FBXL17: variants seen among roughly 807,000 people sequenced by gnomAD.
The protein encoded by FBXL17 is F-box/LRR-repeat protein 17.
In FBXL17, 22 loss-of-function variants were observed where a neutral mutation model predicts 66.2. That is an observed-to-expected ratio of 0.33 (90% confidence interval 0.24 to 0.47). FBXL17 has a LOEUF of 0.47. Among genes scored for constraint, FBXL17 ranks in the 20% least tolerant of loss-of-function variants. The pLI is 1.00. For missense variants in FBXL17, 878 were observed against 948.2 expected (o/e 0.93, Z 0.97); for synonymous variants, 474 against 400.5 (o/e 1.18, Z -2.19).
At chr5:108,228,666 C>A (rs770096763) in intron 4 of FBXL17, among the ~76,000 whole-genome samples, 1 of 152,136 alleles carries the variant, frequency 6.6e-6, no homozygotes, top group Non-Finnish European at 1.5e-5. Context: ...TATTCCGATT[C>A]TTAGCCAGGA....
rs1242739302 is a variant in FBXL17, at chr5:108,177,932, T to TATATATATATACAC, written c.1745+8184_1745+8185insGTGTATATATATAT. Among the ~76,000 whole-genome samples, 56 of 126,610 alleles carry TATATATATATACAC rather than the reference T, an allele frequency of 4.4e-4. 2 individuals are homozygous for TATATATATATACAC. Among genetic ancestry groups the TATATATATATACAC allele is most frequent in the South Asian group, 9.7e-4 (4 of 4,128 alleles). The allele number at this position is 126,610 out of a possible 152,430, so 83.1% of individuals were successfully genotyped here. A position where few individuals can be genotyped will look rare whatever the true frequency, so the allele number is the denominator to read the frequency against. ...AAATGTATATATATATATATATATATACACACACACACTATTACCTCACTA... is the reference window on the plus strand; with the variant it reads ...AAATGTATATATATATATATATATATATATATATATACACACACACACACACTATTACCTCACTA... On this transcript the variant is annotated intron_variant, in intron 6 of 8. Coordinates refer to ENST00000542267, the MANE Select transcript of FBXL17 (RefSeq NM_001163315.3).
At chr5:107,970,243 T>C (rs1752317800) in intron 7 of FBXL17, among the ~76,000 whole-genome samples, 2 of 152,174 alleles carry the variant, frequency 1.3e-5, no homozygotes, top group Non-Finnish European at 2.9e-5. Flanking sequence ...GTTCTCTTTG[T>C]TACCAAACGC....
intron 7 of FBXL17, among the ~76,000 whole-genome samples, chr5:107,901,465 T>C (rs1315649829): frequency 2.0e-5 from 3 of 152,168 alleles, no homozygotes; most frequent in Non-Finnish European, 4.4e-5. Flanking sequence ...TTCACTCTGC[T>C]GTAGTAAGAA....
At chr5:107,992,620 T>C (rs1714520706) in intron 7 of FBXL17, among the ~76,000 whole-genome samples, 1 of 152,196 alleles carries the variant, frequency 6.6e-6, no homozygotes, top group Non-Finnish European at 1.5e-5. Flanking sequence ...ATGTGTGCTT[T>C]GGGGTACACA....
intron 6 of FBXL17, among the ~76,000 whole-genome samples, chr5:108,145,311 A>G (rs1311247275): frequency 6.6e-6 from 1 of 152,184 alleles, no homozygotes; most frequent in East Asian, 1.9e-4. Context: ...GTAAATGAGT[A>G]GAGATCACAT....
At chr5:108,343,253 A>G (rs1443023452) in intron 4 of FBXL17, among the ~76,000 whole-genome samples, 2 of 152,206 alleles carry the variant, frequency 1.3e-5, no homozygotes, top group Non-Finnish European at 2.9e-5. Flanking sequence ...ATGATGTTCA[A>G]TATCTTTAGA....
intron 6 of FBXL17, among the ~76,000 whole-genome samples, chr5:108,143,464 G>C (rs1486173509): frequency 6.6e-6 from 1 of 151,918 alleles, no homozygotes; most frequent in Non-Finnish European, 1.5e-5. Flanking sequence ...ATCTCTTCAT[G>C]ACCAGATTTT....
chr5:107,964,872 T>C (rs1403692439), intron 7 of FBXL17, among the ~76,000 whole-genome samples: 1 of 152,106 alleles, frequency 6.6e-6, no homozygotes, highest in Non-Finnish European at 1.5e-5. Context: ...TGCAATTAAG[T>C]GGTAGAGGCT....
intron 6 of FBXL17, among the ~76,000 whole-genome samples, chr5:108,094,874 C>CAAAA (rs35283339): frequency 7.4e-6 from 1 of 135,020 alleles, no homozygotes; most frequent in African/African-American, 2.7e-5. Flanking sequence ...AACAAGGATG[C>CAAAA]AAAAAAAAAA....
chr5:108,118,177 G>GT (rs1440950572), intron 6 of FBXL17, among the ~76,000 whole-genome samples: 1 of 152,130 alleles, frequency 6.6e-6, no homozygotes, highest in East Asian at 1.9e-4. Context: ...CCATGCATGT[G>GT]TAAGATTTTC....
intron 5 of FBXL17, among the ~76,000 whole-genome samples, chr5:108,208,354 G>A (rs1754218282): frequency 6.6e-6 from 1 of 152,106 alleles, no homozygotes; most frequent in Non-Finnish European, 1.5e-5. Flanking sequence ...TGTTGCCATT[G>A]CTTTTGGTGT....
At chr5:107,905,513 G>A (rs66528064) in intron 7 of FBXL17, among the ~76,000 whole-genome samples, 14,624 of 152,046 alleles carry the variant, frequency 0.096, 784 homozygotes, top group South Asian at 0.21. Flanking sequence ...ACATTTGTTT[G>A]CTATTTGTGA....
At chr5:108,366,174 T>C (rs1748649249) in intron 2 of FBXL17, among the ~76,000 whole-genome samples, 1 of 152,054 alleles carries the variant, frequency 6.6e-6, no homozygotes, top group Non-Finnish European at 1.5e-5. Flanking sequence ...CCAAAGACTA[T>C]ATAGGAACGT....
At chr5:108,378,221 A>T (rs28497144) in intron 1 of FBXL17, among the ~76,000 whole-genome samples, 1 of 150,302 alleles carries the variant, frequency 6.7e-6, no homozygotes, top group Non-Finnish European at 1.5e-5. Flanking sequence ...CTCCTCTGCC[A>T]TAAAAAAAAA....
chr5:107,973,865 T>C (rs4568347), intron 7 of FBXL17, among the ~76,000 whole-genome samples: 67,158 of 151,348 alleles, frequency 0.44, 15,243 homozygotes, highest in African/African-American at 0.52. Flanking sequence ...AAAAATACAC[T>C]TAACTAATTG....
intron 6 of FBXL17, among the ~76,000 whole-genome samples, chr5:108,161,773 A>C (rs1202985244): frequency 6.6e-6 from 1 of 152,224 alleles, no homozygotes; most frequent in African/African-American, 2.4e-5. Flanking sequence ...TAGTTCCTAA[A>C]AGTAAGTTAG....
At chr5:108,224,295 G>A in intron 4 of FBXL17, 67 bp from the exon 5 acceptor site, 1 of 822,432 alleles carries the variant, frequency 1.2e-6, no homozygotes, top group Non-Finnish European at 2.0e-6. Flanking sequence ...TTTGGCTCCT[G>A]AAAATCCTCT....
chr5:107,945,159 A>G (rs545394018), intron 7 of FBXL17, among the ~76,000 whole-genome samples: 3 of 152,246 alleles, frequency 2.0e-5, no homozygotes, highest in African/African-American at 7.2e-5. Context: ...CATACCTAAA[A>G]AGGCTCTACC....
chr5:108,181,068 A>C (rs1482935147), intron 6 of FBXL17, among the ~76,000 whole-genome samples: 1 of 152,244 alleles, frequency 6.6e-6, no homozygotes, highest in Non-Finnish European at 1.5e-5. Flanking sequence ...AAAGAATAAA[A>C]GAACCATTAT....
Sources: allele counts gnomAD v4.1 joint callset (sites outside exome capture counted in the v4.1 genomes callset), GRCh38; gene constraint gnomAD v4.1.1; transcripts MANE v1.5; gene names NCBI Gene and HGNC (gene_info 2026-07-23, HGNC 2026-07-21).